Variants in HYCC2 observed in about 807,000 individuals in gnomAD.
HYCC2 encodes the protein hyccin 2.
the HYCC2 span, among the ~76,000 whole-genome samples, chr2:201,034,619 A>G: frequency 1.3e-5 from 2 of 152,142 alleles, no homozygotes; most frequent in Non-Finnish European, 2.9e-5. Context: ...TAAGGTTAAT[A>G]TTGTTATGTG....
the HYCC2 span, among the ~76,000 whole-genome samples, chr2:201,034,102 T>A: frequency 6.6e-6 from 1 of 151,956 alleles, no homozygotes; most frequent in Non-Finnish European, 1.5e-5. Context: ...CTTAAAAAAA[T>A]GACTAAAAAT....
chr2:201,022,966 A>G, the HYCC2 span: 1 of 1,400,412 alleles, frequency 7.1e-7, no homozygotes, highest in Non-Finnish European at 1.0e-6. Context: ...ACAAAAGTGA[A>G]CATTTGAGAA....
At chr2:200,981,192 T>C in the HYCC2 span, 1 of 1,490,544 alleles carries the variant, frequency 6.7e-7, no homozygotes, top group African/African-American at 1.4e-5. The surrounding 1 kb of genome is among the most constrained non-coding windows in gnomAD (Gnocchi z 4.5). Context: ...ATTTTCACAA[T>C]GTGGGATGAA....
At chr2:201,027,766 C>T in the HYCC2 span, among the ~76,000 whole-genome samples, 3 of 152,080 alleles carry the variant, frequency 2.0e-5, no homozygotes, top group Non-Finnish European at 2.9e-5. Flanking sequence ...ATTCAACAAC[C>T]CTTCATGCTA....
chr2:201,057,958 CTT>C, the HYCC2 span, among the ~76,000 whole-genome samples: 1 of 152,156 alleles, frequency 6.6e-6, no homozygotes, highest in African/African-American at 2.4e-5. Flanking sequence ...ACAAAATGGT[CTT>C]GTCAGCAAGA....
the HYCC2 span, among the ~76,000 whole-genome samples, chr2:201,003,516 C>G: frequency 6.6e-6 from 1 of 151,568 alleles, no homozygotes; most frequent in Non-Finnish European, 1.5e-5. Context: ...CAAGACTAGC[C>G]CGACCAAAAT....
chr2:201,037,555 T>C, the HYCC2 span, among the ~76,000 whole-genome samples: 1 of 152,196 alleles, frequency 6.6e-6, no homozygotes, highest in Non-Finnish European at 1.5e-5. Context: ...TATAGACCAA[T>C]GGAACAGAAC....
the HYCC2 span, among the ~76,000 whole-genome samples, chr2:201,064,719 CCATT>C: frequency 6.6e-6 from 1 of 152,144 alleles, no homozygotes; most frequent in African/African-American, 2.4e-5. Flanking sequence ...TGTGTATCAT[CCATT>C]ATCATGTGTA....
At chr2:201,052,556 C>T in the HYCC2 span, among the ~76,000 whole-genome samples, 6 of 152,072 alleles carry the variant, frequency 3.9e-5, no homozygotes, top group Non-Finnish European at 5.9e-5. Flanking sequence ...TGCAGTGAGC[C>T]GTGACTGTGC....
the HYCC2 span, among the ~76,000 whole-genome samples, chr2:201,033,159 ATGTGTGTG>A: frequency 1.8e-3 from 218 of 117,940 alleles, no homozygotes; most frequent in Middle Eastern, 4.1e-3. Flanking sequence ...ATGTGTGTGT[ATGTGTGTG>A]TGTGTGTGTG....
chr2:201,059,647 C>G, the HYCC2 span, among the ~76,000 whole-genome samples: 2 of 152,196 alleles, frequency 1.3e-5, no homozygotes, highest in African/African-American at 4.8e-5. Context: ...CTCTCCCCTT[C>G]TCCCTCTTAA....
chr2:201,023,994 G>A, the HYCC2 span: 14 of 1,612,860 alleles, frequency 8.7e-6, no homozygotes, highest in Admixed American at 8.3e-5. Flanking sequence ...ACAACACAAC[G>A]GTCAGTTCCC....
At chr2:200,984,184 C>A in the HYCC2 span, among the ~76,000 whole-genome samples, 3 of 151,922 alleles carry the variant, frequency 2.0e-5, no homozygotes, top group African/African-American at 7.3e-5. Context: ...GGACTACAGG[C>A]ATCTGCCACC....
chr2:201,009,223 G>T, the HYCC2 span: 2 of 491,746 alleles, frequency 4.1e-6, no homozygotes, highest in Non-Finnish European at 3.7e-6. Flanking sequence ...TCACGGAAAA[G>T]GTTCAGAATC....
At chr2:200,981,354 A>G in the HYCC2 span, 1 of 1,614,160 alleles carries the variant, frequency 6.2e-7, no homozygotes, top group South Asian at 1.1e-5. The surrounding 1 kb of genome is among the most constrained non-coding windows in gnomAD (Gnocchi z 4.5). Flanking sequence ...GGAGCTCTTT[A>G]CCTTCGCCAG....
chr2:201,067,410 T>C, the HYCC2 span, among the ~76,000 whole-genome samples: 4 of 152,216 alleles, frequency 2.6e-5, no homozygotes, highest in African/African-American at 7.2e-5. Flanking sequence ...CCACTTACCA[T>C]ATTTTATGAC....
the HYCC2 span, among the ~76,000 whole-genome samples, chr2:201,019,924 G>A: frequency 1.3e-5 from 2 of 151,772 alleles, no homozygotes; most frequent in African/African-American, 4.8e-5. Context: ...TCTGTCTTTA[G>A]AAAATAAAAA....
the HYCC2 span, among the ~76,000 whole-genome samples, chr2:201,060,582 A>G: frequency 6.6e-6 from 1 of 152,236 alleles, no homozygotes; most frequent in African/African-American, 2.4e-5. Flanking sequence ...AGAAGACAGA[A>G]GCAGCCTGTG....
At chr2:201,069,509 AAGAC>A in the HYCC2 span, among the ~76,000 whole-genome samples, 1 of 151,008 alleles carries the variant, frequency 6.6e-6, no homozygotes, top group African/African-American at 2.4e-5. Context: ...TTAGTTCTCT[AAGAC>A]AGCTCTAGTA....
Sources: gnomAD v4.1 joint callset for allele counts (sites outside exome capture counted in the v4.1 genomes callset) on GRCh38, gnomAD v4.1.1 for gene constraint, Gnocchi (gnomAD v3.1) non-coding constraint, MANE v1.5 for transcripts, NCBI Gene and HGNC (gene_info 2026-07-23, HGNC 2026-07-21) for gene names.